The following SPEG variants were observed in gnomAD, a reference collection of about 807,000 sequenced individuals.
The protein encoded by SPEG is striated muscle preferentially expressed protein kinase.
SPEG carries 114 observed loss-of-function variants against 300.4 expected under a neutral mutation model. That is an observed-to-expected ratio of 0.38 (90% CI 0.33 to 0.44). SPEG has a LOEUF of 0.44. SPEG is among the 20% of genes least tolerant of loss of function. The pLI is 1.00. For synonymous variants in SPEG, 1,964 were observed against 2,018.9 expected, an observed-to-expected ratio of 0.97 and a Z score of 0.73; for missense variants, 4,201 against 4,586.2, an observed-to-expected ratio of 0.92 and a Z score of 2.43.
intron 1 of SPEG, 117 bp downstream of exon 1, chr2:219,435,482 T>C: frequency 2.6e-6 from 3 of 1,170,840 alleles, no homozygotes; most frequent in Non-Finnish European, 3.4e-6. Context: ...TCTTCCCAGG[T>C]GCCCTGGCTT....
rs778352132 is a variant in SPEG, at chr2:219,490,445, T to A, written c.8958T>A (p.Asn2986Lys). 1.9e-6 allele frequency: 3 copies of A among 1,612,948 alleles called. No individual in the cohort carries two copies. Among genetic ancestry groups the A allele is most frequent in the African/African-American group, 1.3e-5 (1 of 75,034 alleles). Residue 2986 changes from asparagine to lysine, a missense_variant, in exon 37 of 41, where the codon AAT (asparagine) becomes AAA (lysine). Coordinates refer to ENST00000312358, the MANE Select transcript of SPEG (RefSeq NM_005876.5). Reference protein sequence around the residue: ...RFGVVRACRENATGRTFVAKI... With the variant: ...RFGVVRACREKATGRTFVAKI... Reference sequence around the variant, plus strand: ...GTGTTGTGCGAGCGTGCCGGGAGAATGCCACGGGGCGAACGTTCGTGGCCA... The same window carrying A: ...GTGTTGTGCGAGCGTGCCGGGAGAAAGCCACGGGGCGAACGTTCGTGGCCA...
chr2:219,439,338 A>C lies in SPEG; in HGVS notation c.388+3973A>C, dbSNP rs576092155. On this transcript the variant is annotated intron_variant, in intron 1 of 40. Transcript: ENST00000312358. This position sits in a 1 kb window ranked among gnomAD's most constrained non-coding sequence, Gnocchi z 4.5. ...AGTCAGGGGGTTGAGGGAGACCAAA[A>C]TTTATGTCCTCCAGGGGATAACTTT... Among the ~76,000 whole-genome samples the C allele has an allele frequency of 3.3e-5, 5 of 152,266 alleles. No homozygotes were observed. The highest frequency in any genetic ancestry group is 1.2e-4 in the African/African-American group (5 of 41,540).
intron 3 of SPEG, among the ~76,000 whole-genome samples, chr2:219,447,372 G>A (rs1303187469): frequency 1.3e-5 from 2 of 152,178 alleles, no homozygotes; most frequent in East Asian, 1.9e-4. Flanking sequence ...ATCAGTGCTC[G>A]GGGTGGCGGC....
In SPEG at chr2:219,444,954, G is replaced by C; in HGVS notation, c.608G>C (p.Gly203Ala). 6.3e-7 allele frequency: 1 copy of C among 1,597,472 alleles called. No individual in the cohort carries two copies. Among genetic ancestry groups the C allele is most frequent in the Non-Finnish European group, 8.5e-7 (1 of 1,172,222 alleles). ...CTGGAGCAGGAAGCGGGCAGTGGGG[G>C]TGGCACCCGCCGCCTCCCGGGCAGC... ...TVLEQEAGSG[G>A]GTRRLPGSPR... The change falls in exon 3 of 41, where the codon GGT (glycine) becomes GCT (alanine). Residue 203 changes from glycine (G) to alanine (A), a missense_variant. By Grantham distance (60) the Gly-to-Ala change is moderately conservative. Transcript: ENST00000312358. This position sits in a 1 kb window ranked among gnomAD's most constrained non-coding sequence, Gnocchi z 7.8.
chr2:219,491,645 C>A, intron 38 of SPEG, 149 bp from the exon 39 acceptor site: 4 of 675,966 alleles, frequency 5.9e-6, no homozygotes, highest in African/African-American at 1.8e-5. Context: ...TCTGTCCTGC[C>A]TACTGGCCTT....
intron 6 of SPEG, chr2:219,460,918 G>A: frequency 1.0e-6 from 1 of 986,198 alleles, no homozygotes. Flanking sequence ...TGGGCAGTGG[G>A]CAGGCAGCAG....
rs1468036074 is a variant in SPEG at position 219,444,407 on chromosome 2, AG to A, written c.389-243del. On this transcript the variant is annotated intron_variant, in intron 1 of 40. Coordinates refer to ENST00000312358, the MANE Select transcript of SPEG (RefSeq NM_005876.5). The surrounding 1 kb of genome is among the most constrained non-coding windows in gnomAD (Gnocchi z 7.8). Reference sequence around the variant, plus strand: ...AGGCGGGGAGGGGGTGGCAGTTTGGAGGGCCCTACGGAGGTAAACGTGAGTA... The same window carrying A: ...AGGCGGGGAGGGGGTGGCAGTTTGGAGGCCCTACGGAGGTAAACGTGAGTA... Among the ~76,000 whole-genome samples the A allele has an allele frequency of 1.3e-5, 2 of 151,666 alleles. No individual in the cohort carries two copies. Among genetic ancestry groups the A allele is most frequent in the African/African-American group, 4.8e-5 (2 of 41,262 alleles).
intron 36 of SPEG, 100 bp downstream of exon 36, chr2:219,490,039 G>C: frequency 7.2e-7 from 1 of 1,391,896 alleles, no homozygotes. Flanking sequence ...GGCTGGGGTG[G>C]GGGGAGGTGC....
In SPEG at chr2:219,469,395, G is replaced by A. The variant is rs1251768363; in HGVS notation, c.3715+16G>A. 4.4e-6 allele frequency: 7 copies of A among 1,603,202 alleles called. No homozygotes were observed. The African/African-American group carries it at 6.7e-5, about 15-fold the overall frequency. On this transcript the variant is annotated intron_variant, in intron 13 of 40. Transcript: ENST00000312358. ...ATGACACAGTGTACGTGTCTGGGAA[G>A]TTCCCCGGGAGTGTCCCCTGCAGCA...
rs1285564933 is a variant in SPEG, at chr2:219,477,038, G to A, written c.4560+56G>A. 3 of 1,461,654 alleles carry A rather than the reference G, an allele frequency of 2.1e-6. No homozygotes were observed. Among genetic ancestry groups the A allele is most frequent in the African/African-American group, 2.8e-5 (2 of 71,798 alleles). The allele number at this position is 1,461,654 out of a possible 1,614,324, so 90.5% of individuals were successfully genotyped here. On this transcript the variant is annotated intron_variant, in intron 19 of 40. Coordinates refer to ENST00000312358, the MANE Select transcript of SPEG (RefSeq NM_005876.5). This position sits in a 1 kb window ranked among gnomAD's most constrained non-coding sequence, Gnocchi z 6.4. Reference sequence around the variant, plus strand: ...GAGGGAGGAGGGGCTCCCTGGGGGCGTGGGAGGGTCCTGGAAGGCCTTAGG... The same window carrying A: ...GAGGGAGGAGGGGCTCCCTGGGGGCATGGGAGGGTCCTGGAAGGCCTTAGG...
rs1248481734 is a variant in SPEG, at chr2:219,484,442, T to C, written c.6979T>C (p.Leu2327=). ...GSSLSSSIEN[L]ESEAVFEAKF... ...CAGTCTCAGTAGCAGCATCGAAAAC[T>C]TGGAGTCGGAGGCCGTGTTCGAGGC... Residue 2327 remains leucine, a synonymous_variant, in exon 30 of 41, where the codon TTG becomes CTG. Transcript: ENST00000312358. The C allele has an allele frequency of 3.7e-6, 6 of 1,611,266 alleles. No individual in the cohort carries two copies. The highest frequency in any genetic ancestry group is 4.5e-5 in the East Asian group (2 of 44,834).
chr2:219,466,884 T>TC (rs397719402), intron 9 of SPEG: 3 of 1,226,762 alleles, frequency 2.4e-6, no homozygotes, highest in African/African-American at 1.5e-5. Context: ...GTGTTTTTTT[T>TC]TCCCCCGCCG....
chr2:219,479,095 G>T lies in SPEG; in HGVS notation c.5028-49G>T. The T allele has an allele frequency of 6.4e-7, 1 of 1,571,908 alleles. No individual in the cohort carries two copies. Among genetic ancestry groups the T allele is most frequent in the Non-Finnish European group, 8.7e-7 (1 of 1,144,588 alleles). On this transcript the variant is annotated intron_variant, in intron 22 of 40. Coordinates refer to ENST00000312358, the MANE Select transcript of SPEG (RefSeq NM_005876.5). This position sits in a 1 kb window ranked among gnomAD's most constrained non-coding sequence, Gnocchi z 5.5. ...TGGGACCTGCCCTGAGCGCTGGGCT[G>T]GGCCGGGCAGTTGGCACTGGGCACT...
chr2:219,463,938 A>G (rs989232155), intron 8 of SPEG, among the ~76,000 whole-genome samples: 2 of 152,008 alleles, frequency 1.3e-5, no homozygotes, highest in Non-Finnish European at 2.9e-5. Flanking sequence ...CGTGGACAAC[A>G]TGGTGAAACC....
Position 219,437,930 on chromosome 2 carries a change from C to T in SPEG, c.388+2565C>T, listed in dbSNP as rs557399675. ...GGTACTCGAGGAAGCCAAGCAAGGACCTGGCTGCAGACGGAAGGACATGCT... is the reference window on the plus strand; with the variant it reads ...GGTACTCGAGGAAGCCAAGCAAGGATCTGGCTGCAGACGGAAGGACATGCT... On this transcript the variant is annotated intron_variant, in intron 1 of 40. Coordinates refer to ENST00000312358, the MANE Select transcript of SPEG (RefSeq NM_005876.5). Among the ~76,000 whole-genome samples the T allele has an allele frequency of 2.0e-5, 3 of 152,170 alleles. No homozygotes were observed. In the East Asian group the frequency reaches 5.8e-4, roughly 29 times the overall value.
chr2:219,477,962 G>T lies in SPEG; in HGVS notation c.4884G>T (p.Ala1628=). 6.2e-7 allele frequency: 1 copy of T among 1,614,164 alleles called. No homozygotes were observed. Among genetic ancestry groups the T allele is most frequent in the Non-Finnish European group, 8.5e-7 (1 of 1,180,050 alleles). The change falls in exon 22 of 41, where the codon GCG becomes GCT. Residue 1628 remains alanine, a synonymous_variant. Transcript: ENST00000312358. This position sits in a 1 kb window ranked among gnomAD's most constrained non-coding sequence, Gnocchi z 6.4. ...AGCGTAGCTCCGGCCTGGAGTTTGC[G>T]GCCAAGTTCATCCCCAGCCAGGCCA... The part of the protein sequence containing the change: ...IVERSSGLEF[A]AKFIPSQAKP...
chr2:219,448,812 G>A lies in SPEG; in HGVS notation c.1654G>A (p.Ala552Thr), dbSNP rs1250822229. ...GACATCGCGGGCCGTGAGCCCCGCC[G>A]CCGCCCAGCCGCCCTCTCCGAGCAG... ...PKTSRAVSPA[A>T]AQPPSPSSAE... The change falls in exon 4 of 41, where the codon GCC becomes ACC. Residue 552 changes from alanine to threonine, a missense_variant. By Grantham distance (58) the Ala-to-Thr change is moderately conservative. Transcript: ENST00000312358. 1.4e-6 allele frequency: 2 copies of A among 1,398,206 alleles called. No homozygotes were observed. Among genetic ancestry groups the A allele is most frequent in the East Asian group, 3.0e-5 (1 of 33,158 alleles). The allele number at this position is 1,398,206 out of a possible 1,614,324, so 86.6% of individuals were successfully genotyped here.
rs201950092 is a variant in SPEG, at chr2:219,484,158, C to A, written c.6695C>A (p.Pro2232His). 613 of 1,613,708 alleles carry A rather than the reference C, an allele frequency of 3.8e-4. 2 individuals are homozygous for A. In the African/African-American group the frequency reaches 7.3e-3, roughly 19 times the overall value. ...CGAGCCTCCAAGCCTGCACCACCCC[C>A]CCAGGCCCTGCAAACCCTAGCGCTG... The part of the protein sequence containing the change: ...PVRASKPAPP[P>H]QALQTLALPL... The change falls in exon 30 of 41, where the codon CCC becomes CAC. Residue 2232 changes from proline (P) to histidine (H), a missense_variant. Coordinates refer to ENST00000312358, the MANE Select transcript of SPEG (RefSeq NM_005876.5).
In SPEG at chr2:219,472,234, C is replaced by G; in HGVS notation, c.3843C>G (p.Val1281=). 3.1e-6 allele frequency: 5 copies of G among 1,613,686 alleles called. No homozygotes were observed. Among genetic ancestry groups the G allele is most frequent in the Non-Finnish European group, 4.2e-6 (5 of 1,179,964 alleles). Reference sequence around the variant, plus strand: ...TCGAACTGCGGCTTTCAGATGTGGTCCCAGGCCCTCCAGATGGCGCCCCGC... The same window carrying G: ...TCGAACTGCGGCTTTCAGATGTGGTGCCAGGCCCTCCAGATGGCGCCCCGC... ...CYAHLYVTDV[V]PGPPDGAPQV... Residue 1281 remains valine (V), a synonymous_variant, in exon 15 of 41, where the codon GTC becomes GTG. Transcript: ENST00000312358.
Sources: allele counts gnomAD v4.1 joint callset (sites outside exome capture counted in the v4.1 genomes callset), GRCh38; gene constraint gnomAD v4.1.1; non-coding constraint Gnocchi (gnomAD v3.1); transcripts MANE v1.5; gene names NCBI Gene and HGNC (gene_info 2026-07-23, HGNC 2026-07-21).